ACAP2: variants seen among roughly 807,000 people sequenced by gnomAD.
ACAP2 encodes the protein ArfGAP with coiled-coil, ankyrin repeat and PH domains 2.
A neutral mutation model predicts 115.8 loss-of-function variants in ACAP2; 39 were observed. The observed-to-expected ratio is 0.34, with a 90% CI of 0.26 to 0.44. ACAP2 has a LOEUF of 0.44. Among genes scored for constraint, ACAP2 ranks in the 20% least tolerant of loss-of-function variants. The probability of loss-of-function intolerance (pLI) is 1.00; values close to 1 mark genes in which losing one functional copy is unlikely to be tolerated. For missense variants in ACAP2, 662 were observed against 927.6 expected, an observed-to-expected ratio of 0.71 and a Z score of 3.72; for synonymous variants, 289 against 315.8, an observed-to-expected ratio of 0.92 and a Z score of 0.90.
intron 1 of ACAP2, chr3:195,410,966 A>G (rs997599859): frequency 5.2e-6 from 2 of 387,774 alleles, no homozygotes; most frequent in Non-Finnish European, 1.0e-5. Flanking sequence ...CTCACCAGAC[A>G]CTAATCTGCT....
At chr3:195,372,283 A>C (rs1022096029) in intron 4 of ACAP2, among the ~76,000 whole-genome samples, 3 of 152,210 alleles carry the variant, frequency 2.0e-5, no homozygotes, top group Non-Finnish European at 2.9e-5. Flanking sequence ...TTAAGAGAAT[A>C]ACATTTTATG....
chr3:195,294,747 C>A lies in ACAP2; in HGVS notation c.1737G>T (p.Thr579=), dbSNP rs749042123. The A allele has an allele frequency of 6.2e-7, 1 of 1,608,514 alleles. No individual in the cohort carries two copies. Among genetic ancestry groups the A allele is most frequent in the South Asian group, 1.1e-5 (1 of 90,850 alleles). The change falls in exon 18 of 23, where the codon ACG becomes ACT. Residue 579 remains threonine (T), a synonymous_variant. Coordinates refer to ENST00000326793, the MANE Select transcript of ACAP2 (RefSeq NM_012287.6). ...SDDGRESLPS[T]VSANSLYEPE... ...GCTCATATAAACTATTGGCTGACACCGTGGAGGGTAAAGATTCTCTTCCAT... is the reference window on the plus strand; with the variant it reads ...GCTCATATAAACTATTGGCTGACACAGTGGAGGGTAAAGATTCTCTTCCAT...
chr3:195,409,623 C>G (rs377566833), intron 1 of ACAP2, among the ~76,000 whole-genome samples: 2 of 152,092 alleles, frequency 1.3e-5, no homozygotes, highest in South Asian at 2.1e-4. Context: ...CGCCTGTAAT[C>G]TCAGCACCCT....
At chr3:195,297,032 C>G (rs541227611) in intron 16 of ACAP2, among the ~76,000 whole-genome samples, 158 bp downstream of exon 16, 1 of 152,202 alleles carries the variant, frequency 6.6e-6, no homozygotes, top group East Asian at 1.9e-4. Flanking sequence ...ATATAATTAT[C>G]TAATTAACAT....
At chr3:195,407,533 C>A (rs1194643118) in intron 1 of ACAP2, among the ~76,000 whole-genome samples, 2 of 151,922 alleles carry the variant, frequency 1.3e-5, no homozygotes, top group Non-Finnish European at 2.9e-5. Context: ...ATGACAGAAC[C>A]CAATCTCTAC....
At chr3:195,407,866 C>T (rs140829141) in intron 1 of ACAP2, among the ~76,000 whole-genome samples, 65 of 152,114 alleles carry the variant, frequency 4.3e-4, no homozygotes, top group African/African-American at 1.5e-3. Flanking sequence ...TCAATGAAAC[C>T]AAAAACTCGT....
rs1232956275 is a variant in ACAP2 at position 195,285,673 on chromosome 3, TA to T, written c.2236+122del. The T allele has an allele frequency of 3.9e-5, 31 of 790,774 alleles. No individual in the cohort carries two copies. The African/African-American group carries it at 4.0e-4, about 10-fold the overall frequency. The allele number at this position is 790,774 out of a possible 1,614,324, so 49.0% of individuals were successfully genotyped here. On this transcript the variant is annotated intron_variant, in intron 22 of 22. Transcript: ENST00000326793. ...CAACTCACAATTTACAAGTGGGTTATAAAAACTCTATAGTATCACATTAGTT... is the reference window on the plus strand; with the variant it reads ...CAACTCACAATTTACAAGTGGGTTATAAAACTCTATAGTATCACATTAGTT...
At chr3:195,397,839 T>C (rs1711932160) in intron 1 of ACAP2, among the ~76,000 whole-genome samples, 1 of 152,178 alleles carries the variant, frequency 6.6e-6, no homozygotes, top group Non-Finnish European at 1.5e-5. Flanking sequence ...TCTTTTTGTT[T>C]TCATGTTATG....
intron 1 of ACAP2, chr3:195,413,025 A>G (rs981153508): frequency 1.4e-5 from 4 of 285,896 alleles, no homozygotes; most frequent in Non-Finnish European, 2.9e-5. Flanking sequence ...GTAACAGAAG[A>G]TTCCATTTTA....
intron 8 of ACAP2, among the ~76,000 whole-genome samples, chr3:195,327,895 C>A (rs1181556853): frequency 6.6e-6 from 1 of 151,932 alleles, no homozygotes; most frequent in African/African-American, 2.4e-5. Flanking sequence ...CGCACCACTG[C>A]ACATTAGCCA....
chr3:195,306,659 T>C (rs764889346), intron 12 of ACAP2, 43 bp from the exon 13 acceptor site: 1 of 1,369,326 alleles, frequency 7.3e-7, no homozygotes, highest in South Asian at 1.2e-5. Context: ...ACTAAGTTAA[T>C]GCCAAAAACA....
chr3:195,285,909 A>AT (rs1726816690), intron 21 of ACAP2, 52 bp from the exon 22 acceptor site: 35 of 1,351,322 alleles, frequency 2.6e-5, no homozygotes, highest in Non-Finnish European at 3.6e-5. Flanking sequence ...TATAAATGTC[A>AT]TAAATAAAGT....
chr3:195,307,684 A>T (rs1215229929), intron 11 of ACAP2, among the ~76,000 whole-genome samples: 1 of 152,176 alleles, frequency 6.6e-6, no homozygotes, highest in Non-Finnish European at 1.5e-5. Context: ...TTCCTCCAAA[A>T]GAGAAGCTTT....
chr3:195,434,102 A>AT (rs1369194714), intron 1 of ACAP2, among the ~76,000 whole-genome samples: 8 of 151,880 alleles, frequency 5.3e-5, no homozygotes, highest in East Asian at 3.9e-4. Context: ...CTAATTTTTA[A>AT]TTTTTTTATA....
Position 195,302,024 on chromosome 3 carries a change from G to A in ACAP2, c.1267C>T (p.Arg423Trp), listed in dbSNP as rs745884671. 6.2e-7 allele frequency: 1 copy of A among 1,614,012 alleles called. No homozygotes were observed. The highest frequency in any genetic ancestry group is 1.1e-5 in the South Asian group (1 of 91,078). ...SCCDCGLADP[R>W]WASINLGITL... ...ATGCCCAGGTTGATGCTGGCCCACC[G>A]TGGATCTGCCAGGCCACAGTCACAA... Residue 423 changes from arginine to tryptophan, a missense_variant, in exon 14 of 23, where the codon CGG becomes TGG. Transcript: ENST00000326793.
intron 20 of ACAP2, 143 bp from the exon 21 acceptor site, chr3:195,289,374 C>T: frequency 1.5e-6 from 1 of 660,680 alleles, no homozygotes; most frequent in Non-Finnish European, 2.7e-6. Context: ...TGAACACTAA[C>T]TCTACTAACA....
chr3:195,352,827 T>A (rs1199697862), intron 4 of ACAP2, among the ~76,000 whole-genome samples: 1 of 152,174 alleles, frequency 6.6e-6, no homozygotes, highest in East Asian at 1.9e-4. Context: ...AGATGCAGTG[T>A]CTCAGCACTT....
rs1432844331 is a variant in ACAP2, at chr3:195,376,302, A to G, written c.285+4707T>C. ...CCAGCTACTCGGGAGGCGGATGCAC[A>G]AGAATCACTTGAACCTGGGAAGTGG... On this transcript the variant is annotated intron_variant, in intron 4 of 22. Coordinates refer to ENST00000326793, the MANE Select transcript of ACAP2 (RefSeq NM_012287.6). 2.0e-5 allele frequency among the ~76,000 whole-genome samples: 3 copies of G among 152,074 alleles called. No homozygotes were observed. In the East Asian group the frequency reaches 5.8e-4, roughly 29 times the overall value.
At chr3:195,342,335 A>G in intron 6 of ACAP2, 136 bp downstream of exon 6, 1 of 844,154 alleles carries the variant, frequency 1.2e-6, no homozygotes, top group Non-Finnish European at 1.7e-6. Flanking sequence ...CACAGATGGA[A>G]ATTTTCCACC....
Sources: gnomAD v4.1 joint callset for allele counts (sites outside exome capture counted in the v4.1 genomes callset) on GRCh38, gnomAD v4.1.1 for gene constraint, MANE v1.5 for transcripts, NCBI Gene and HGNC (gene_info 2026-07-23, HGNC 2026-07-21) for gene names.